The following ADAM7 variants were observed in gnomAD, a reference collection of about 807,000 sequenced individuals.
The protein encoded by ADAM7 is ADAM metallopeptidase domain 7, also known as disintegrin and metalloproteinase domain-containing protein 7.
ADAM7 carries 97 observed loss-of-function variants against 102.9 expected under a neutral mutation model. The ratio of observed to expected loss-of-function variants is 0.94; its 90% CI spans 0.80 to 1.12. The LOEUF (loss-of-function observed/expected upper bound fraction) is 1.12. ADAM7 is among the 50% of genes most tolerant of loss of function. ADAM7 has a pLI of 0.00. For missense variants in ADAM7, 991 were observed against 908.7 expected, an observed-to-expected ratio of 1.09 and a Z score of -1.16; for synonymous variants, 334 against 304.4, an observed-to-expected ratio of 1.10 and a Z score of -1.01.
chr8:24,476,019 C>A (rs1237601062), intron 7 of ADAM7: 9 of 453,936 alleles, frequency 2.0e-5, no homozygotes, highest in South Asian at 6.3e-5. Flanking sequence ...ATTTTGTGAA[C>A]ACCAAGGACA....
rs113929089 is a variant in ADAM7, at chr8:24,462,907, T to C, written c.234-975T>C. On this transcript the variant is annotated intron_variant, in intron 3 of 21. Coordinates refer to ENST00000175238, the MANE Select transcript of ADAM7 (RefSeq NM_003817.4). Reference sequence around the variant, plus strand: ...AACAAATGATAATTGGTACACCAAATTGGGCATGTTTTCTATTAATGTATA... The same window carrying C: ...AACAAATGATAATTGGTACACCAAACTGGGCATGTTTTCTATTAATGTATA... Among the ~76,000 whole-genome samples, 323 of 152,282 alleles carry C rather than the reference T, an allele frequency of 2.1e-3. 1 individual carries two copies. Among genetic ancestry groups the C allele is most frequent in the African/African-American group, 7.5e-3 (312 of 41,558 alleles).
intron 20 of ADAM7, 78 bp downstream of exon 20, chr8:24,501,654 C>G: frequency 9.3e-7 from 1 of 1,070,224 alleles, no homozygotes; most frequent in Non-Finnish European, 1.3e-6. Flanking sequence ...AAGTAGAACC[C>G]GTCCTAAGCT....
chr8:24,491,409 G>A (rs950353287), intron 13 of ADAM7, among the ~76,000 whole-genome samples: 3 of 152,156 alleles, frequency 2.0e-5, no homozygotes, highest in African/African-American at 4.8e-5. Flanking sequence ...AGAACCCAGC[G>A]TAATTAAATT....
At chr8:24,461,774 G>C (rs1819250846) in intron 3 of ADAM7, among the ~76,000 whole-genome samples, 1 of 35,378 alleles carries the variant, frequency 2.8e-5, no homozygotes, top group African/African-American at 1.1e-4. Flanking sequence ...TTATTTTAAG[G>C]ATATCAAGTA....
Position 24,508,753 on chromosome 8 carries a change from T to C in ADAM7, c.*207T>C. The C allele has an allele frequency of 7.3e-7, 1 of 1,363,890 alleles. No individual in the cohort carries two copies. Among genetic ancestry groups the C allele is most frequent in the East Asian group, 2.6e-5 (1 of 38,266 alleles). 84.5% of individuals were successfully genotyped at this position (1,363,890 alleles called of 1,614,324 possible). ...ATTCACACCCTCTATCATAAACATA[T>C]GCTGCAGAAAAAAAATGTCTTGTGG... is the stretch of plus-strand genomic sequence containing the variant. On this transcript the variant is annotated 3_prime_UTR_variant, in exon 22 of 22. Transcript: ENST00000175238.
chr8:24,455,457 C>T (rs1407905087), intron 3 of ADAM7, among the ~76,000 whole-genome samples: 3 of 152,210 alleles, frequency 2.0e-5, no homozygotes, highest in South Asian at 2.1e-4. Flanking sequence ...GGCTAGAGTG[C>T]AGTGGCACAG....
At chr8:24,464,074 A>G (rs1819344201) in intron 4 of ADAM7, 114 bp downstream of exon 4, 6 of 872,712 alleles carry the variant, frequency 6.9e-6, no homozygotes, top group Admixed American at 2.6e-5. Context: ...ATCAGAAATA[A>G]GCTCTGAATT....
At chr8:24,441,481 A>G (rs1364094498) in intron 1 of ADAM7, among the ~76,000 whole-genome samples, 1 of 152,244 alleles carries the variant, frequency 6.6e-6, no homozygotes, top group East Asian at 1.9e-4. Context: ...CACTTTACAG[A>G]TAAGGAAAAT....
At chr8:24,444,629 T>C (rs1818485504) in intron 2 of ADAM7, among the ~76,000 whole-genome samples, 1 of 151,402 alleles carries the variant, frequency 6.6e-6, no homozygotes, top group Non-Finnish European at 1.5e-5. Flanking sequence ...AAACAAATTG[T>C]AAGACGCCCT....
intron 13 of ADAM7, 126 bp from the exon 14 acceptor site, chr8:24,491,777 G>A (rs1213195704): frequency 9.6e-6 from 6 of 624,276 alleles, no homozygotes; most frequent in Non-Finnish European, 1.6e-5. Context: ...TTGATGGAAT[G>A]GAGAAGGAAG....
chr8:24,469,818 A>G (rs142336411), intron 7 of ADAM7, among the ~76,000 whole-genome samples: 1 of 152,298 alleles, frequency 6.6e-6, no homozygotes, highest in East Asian at 1.9e-4. Flanking sequence ...AGGAAAACGT[A>G]TATACCCTTG....
chr8:24,458,339 A>C (rs1819115339), intron 3 of ADAM7, among the ~76,000 whole-genome samples: 1 of 152,166 alleles, frequency 6.6e-6, no homozygotes, highest in African/African-American at 2.4e-5. Context: ...AATGTTTATC[A>C]ACATCTTTTA....
At position 24,493,036 on chromosome 8, in the gene ADAM7, C is replaced by A. The variant is rs1820422135; in HGVS notation, c.1656-7C>A. On this transcript the variant is annotated splice_region_variant and splice_polypyrimidine_tract_variant and intron_variant, in intron 15 of 21. Transcript: ENST00000175238. ...TTCCAAGTTTGAATATTCTGCCTTT[C>A]CTTCAGAGATGTCAGATGTGGAAAG... 7 of 1,563,036 alleles carry A rather than the reference C, an allele frequency of 4.5e-6. No homozygotes were observed. In the South Asian group the frequency reaches 8.5e-5, roughly 19 times the overall value.
intron 3 of ADAM7, among the ~76,000 whole-genome samples, chr8:24,448,984 A>T (rs1358139973): frequency 6.6e-6 from 1 of 152,130 alleles, no homozygotes; most frequent in Non-Finnish European, 1.5e-5. Flanking sequence ...ACATGAACTC[A>T]TCCTTTTTTA....
intron 7 of ADAM7, among the ~76,000 whole-genome samples, chr8:24,470,762 C>T (rs1321298285): frequency 2.6e-5 from 4 of 152,064 alleles, no homozygotes; most frequent in East Asian, 1.9e-4. Context: ...CAATTATGTA[C>T]GGTACACAAT....
At chr8:24,489,032 T>C in intron 11 of ADAM7, 127 bp from the exon 12 acceptor site, 1 of 793,684 alleles carries the variant, frequency 1.3e-6, no homozygotes, top group Non-Finnish European at 1.8e-6. Context: ...AGGACCCAGT[T>C]ACTTCCCTGC....
intron 1 of ADAM7, 33 bp from the exon 2 acceptor site, chr8:24,442,440 A>C (rs1171677449): frequency 4.2e-6 from 6 of 1,439,832 alleles, no homozygotes; most frequent in Non-Finnish European, 5.9e-6. Context: ...TGTTAATGTC[A>C]GACGGATTTT....
At chr8:24,485,992 T>A (rs1212392169) in intron 10 of ADAM7, among the ~76,000 whole-genome samples, 2 of 152,196 alleles carry the variant, frequency 1.3e-5, no homozygotes, top group Non-Finnish European at 2.9e-5. Flanking sequence ...AGTACTTATT[T>A]AAATGACCAC....
intron 16 of ADAM7, among the ~76,000 whole-genome samples, chr8:24,494,709 A>C (rs1408595761): frequency 1.6e-5 from 2 of 125,300 alleles, no homozygotes; most frequent in Non-Finnish European, 3.5e-5. Flanking sequence ...CAATGATGTG[A>C]GTGAAAAAAA....
Sources: gnomAD v4.1 joint callset for allele counts (sites outside exome capture counted in the v4.1 genomes callset) on GRCh38, gnomAD v4.1.1 for gene constraint, MANE v1.5 for transcripts, NCBI Gene and HGNC (gene_info 2026-07-23, HGNC 2026-07-21) for gene names.